The following CDH6 variants were observed in gnomAD, a reference collection of about 807,000 sequenced individuals.
The protein encoded by CDH6 is cadherin-6.
Under a neutral mutation model 78.0 loss-of-function variants are expected in CDH6, and 31 were observed. The ratio of observed to expected loss-of-function variants is 0.40; its 90% CI spans 0.30 to 0.54. The LOEUF is 0.54. Among genes scored for constraint, CDH6 ranks in the 20% least tolerant of loss-of-function variants. CDH6 has a pLI of 0.56. For missense variants in CDH6, 724 were observed against 975.9 expected, an observed-to-expected ratio of 0.74 and a Z score of 3.44; for synonymous variants, 376 against 368.8, an observed-to-expected ratio of 1.02 and a Z score of -0.23.
In CDH6 at chr5:31,302,280, G is replaced by T; in HGVS notation, c.981G>T (p.Gly327=). The change falls in exon 6 of 12, where the codon GGG becomes GGT. Residue 327 remains glycine (G), a synonymous_variant. Transcript: ENST00000265071. ...DVITDQETQE[G]IITVKKLLDF... is the part of the protein sequence containing the mutation. ...TCACCGACCAGGAAACCCAGGAAGG[G>T]ATTATAACTGTCAAAAAGGTAATGC... is the stretch of plus-strand genomic sequence containing the variant. 1 of 1,611,832 alleles carries T rather than the reference G, an allele frequency of 6.2e-7. No individual in the cohort carries two copies.
chr5:31,293,868 A>G lies in CDH6; in HGVS notation c.229-94A>G, dbSNP rs2909572. On this transcript the variant is annotated intron_variant, in intron 2 of 11. Transcript: ENST00000265071. ...ACTTGTATTCCTTAGAAAGAATTTA[A>G]TAAAAGTTAATGTAGCATGCACCAA... 10,912 of 740,858 alleles carry G rather than the reference A, an allele frequency of 0.015. 892 individuals are homozygous for G. The African/African-American group carries it at 0.18, about 12-fold the overall frequency. 45.9% of individuals were successfully genotyped at this position (740,858 alleles called of 1,614,324 possible). A position where few individuals can be genotyped will look rare whatever the true frequency, so the allele number is the denominator to read the frequency against.
rs577845494 is a variant in CDH6 at position 31,208,338 on chromosome 5, C to G, written c.-129+14452C>G. Among the ~76,000 whole-genome samples, 455 of 152,278 alleles carry G rather than the reference C, an allele frequency of 3.0e-3. 2 individuals are homozygous for G. Among genetic ancestry groups the G allele is most frequent in the Non-Finnish European group, 5.3e-3 (358 of 68,030 alleles). On this transcript the variant is annotated intron_variant, in intron 1 of 11. Transcript: ENST00000265071. ...CAGCCTTCCACCCTTTGGCACAGAGCTTGGTGTTCCAAAGGCCACGAGGGG... is the reference window on the plus strand; with the variant it reads ...CAGCCTTCCACCCTTTGGCACAGAGGTTGGTGTTCCAAAGGCCACGAGGGG...
At chr5:31,271,848 A>G (rs1404941974) in intron 2 of CDH6, among the ~76,000 whole-genome samples, 3 of 152,176 alleles carry the variant, frequency 2.0e-5, no homozygotes, top group African/African-American at 7.2e-5. Flanking sequence ...AATCGTACGC[A>G]TGTTAAAATT....
chr5:31,283,851 G>C (rs1216747109), intron 2 of CDH6, among the ~76,000 whole-genome samples: 1 of 151,382 alleles, frequency 6.6e-6, no homozygotes, highest in Non-Finnish European at 1.5e-5. Flanking sequence ...GTCTCACTCT[G>C]TCTCCCAGGC....
In CDH6 at chr5:31,221,413, G is replaced by A. The variant is rs150123580; in HGVS notation, c.-129+27527G>A. 2.7e-3 allele frequency among the ~76,000 whole-genome samples: 414 copies of A among 152,226 alleles called. 5 individuals are homozygous for A. The highest frequency in any genetic ancestry group is 9.5e-3 in the African/African-American group (395 of 41,522). On this transcript the variant is annotated intron_variant, in intron 1 of 11. Transcript: ENST00000265071. ...AATTCTATTCAGAAAGAATTAACAC[G>A]CAACAGCTCCAAGTAATGGAATCTT...
chr5:31,288,575 C>A (rs554225443), intron 2 of CDH6, among the ~76,000 whole-genome samples: 1 of 152,120 alleles, frequency 6.6e-6, no homozygotes, highest in Non-Finnish European at 1.5e-5. Flanking sequence ...GACATCTATA[C>A]GTATACATAG....
intron 1 of CDH6, among the ~76,000 whole-genome samples, chr5:31,257,322 T>C (rs541901125): frequency 3.3e-5 from 5 of 152,002 alleles, no homozygotes; most frequent in African/African-American, 9.7e-5. Flanking sequence ...GCCACCACGC[T>C]CGGCTAATTT....
intron 1 of CDH6, among the ~76,000 whole-genome samples, chr5:31,253,519 G>A (rs4379209): frequency 0.26 from 39,218 of 151,952 alleles, 6,081 homozygotes; most frequent in Non-Finnish European, 0.35. Context: ...TTTATTAGCA[G>A]AGTGAGAACA....
chr5:31,199,717 C>CTA (rs1554035043), intron 1 of CDH6, among the ~76,000 whole-genome samples: 11 of 114,742 alleles, frequency 9.6e-5, no homozygotes, highest in East Asian at 2.8e-4. Context: ...ATATATATAT[C>CTA]TCAAAGATAA....
rs543113148 is a variant in CDH6, at chr5:31,325,244, T to C, written c.*1936T>C. ...TCCGATTTTATAATGGACTGCCCTA[T>C]ATAGTAACAAGTATTTCATGCTTGA... is the stretch of plus-strand genomic sequence containing the variant. On this transcript the variant is annotated 3_prime_UTR_variant, in exon 12 of 12. Coordinates refer to ENST00000265071, the MANE Select transcript of CDH6 (RefSeq NM_004932.4). The C allele has an allele frequency of 1.6e-4, 36 of 230,696 alleles. No homozygotes were observed. The highest frequency in any genetic ancestry group is 7.1e-4 in the African/African-American group (32 of 45,322). 14.3% of individuals were successfully genotyped at this position (230,696 alleles called of 1,614,324 possible). A position where few individuals can be genotyped will look rare whatever the true frequency, so the allele number is the denominator to read the frequency against.
chr5:31,301,540 C>G (rs954408992), intron 5 of CDH6, among the ~76,000 whole-genome samples: 1 of 151,806 alleles, frequency 6.6e-6, no homozygotes, highest in African/African-American at 2.4e-5. Flanking sequence ...ATTTAAGAGT[C>G]AAAAGAAAAA....
chr5:31,282,994 AGGAT>A lies in CDH6; in HGVS notation c.229-10944_229-10941del, dbSNP rs546068730. Among the ~76,000 whole-genome samples the A allele has an allele frequency of 1.2e-3, 183 of 152,184 alleles. 1 individual carries two copies. Among genetic ancestry groups the A allele is most frequent in the Non-Finnish European group, 1.7e-3 (115 of 68,010 alleles). Reference sequence around the variant, plus strand: ...AGTACACATTGATAAGAAAGATGGAAGGATGGATGGATGGATGGATGGATGGAAG... The same window carrying A: ...AGTACACATTGATAAGAAAGATGGAAGGATGGATGGATGGATGGATGGAAG... On this transcript the variant is annotated intron_variant, in intron 2 of 11. Transcript: ENST00000265071.
intron 1 of CDH6, among the ~76,000 whole-genome samples, chr5:31,236,679 C>T (rs145031903): frequency 4.0e-4 from 61 of 152,246 alleles, no homozygotes; most frequent in Admixed American, 5.9e-4. Context: ...AGGGATTCCC[C>T]GCCCCCCATC....
intron 2 of CDH6, among the ~76,000 whole-genome samples, chr5:31,285,954 A>T (rs897739505): frequency 7.2e-5 from 11 of 152,234 alleles, no homozygotes; most frequent in Admixed American, 7.2e-4. Context: ...GTAGTAATTG[A>T]TAAATTATCT....
chr5:31,314,312 A>G (rs999491885), intron 8 of CDH6, among the ~76,000 whole-genome samples: 1 of 95,798 alleles, frequency 1.0e-5, no homozygotes, highest in East Asian at 3.5e-4. Flanking sequence ...CCCCCACCCC[A>G]CAACAGGCCC....
chr5:31,257,380 G>A lies in CDH6; in HGVS notation c.-128-9966G>A, dbSNP rs150384750. 4.6e-3 allele frequency among the ~76,000 whole-genome samples: 694 copies of A among 151,868 alleles called. 4 individuals carry two copies. Among genetic ancestry groups the A allele is most frequent in the Non-Finnish European group, 8.2e-3 (555 of 68,026 alleles). On this transcript the variant is annotated intron_variant, in intron 1 of 11. Coordinates refer to ENST00000265071, the MANE Select transcript of CDH6 (RefSeq NM_004932.4). ...GGGTTTCACCGTGTTAGCCGGGATG[G>A]TCCCGATCTCCTGACCTCGTGATCC...
chr5:31,302,751 GAGAA>G (rs67658592), intron 6 of CDH6, among the ~76,000 whole-genome samples: 21,703 of 52,080 alleles, frequency 0.42, 5,461 homozygotes, highest in Non-Finnish European at 0.62. Flanking sequence ...AGGAAGGAAG[GAGAA>G]AGAAAGAAAG....
chr5:31,265,733 T>TTTG (rs1296128378), intron 1 of CDH6, among the ~76,000 whole-genome samples: 95 of 152,066 alleles, frequency 6.2e-4, no homozygotes, highest in Non-Finnish European at 9.7e-4. Context: ...ACACTTCCTT[T>TTTG]TTGTTGTTGT....
intron 2 of CDH6, among the ~76,000 whole-genome samples, chr5:31,286,476 G>A (rs1050334189): frequency 3.9e-5 from 6 of 152,178 alleles, no homozygotes; most frequent in African/African-American, 2.4e-5. Context: ...GCAGGAAGGC[G>A]TAGCTACGAA....
Sources: gnomAD v4.1 joint callset for allele counts (sites outside exome capture counted in the v4.1 genomes callset) on GRCh38, gnomAD v4.1.1 for gene constraint, MANE v1.5 for transcripts, NCBI Gene and HGNC (gene_info 2026-07-23, HGNC 2026-07-21) for gene names.